KPNA3: variants seen among roughly 807,000 people sequenced by gnomAD.
KPNA3 encodes the protein importin subunit alpha-4.
In KPNA3, 13 loss-of-function variants were observed where a neutral mutation model predicts 73.8. The observed-to-expected ratio is 0.18, with a 90% confidence interval of 0.11 to 0.28. The LOEUF (loss-of-function observed/expected upper bound fraction) is 0.28. KPNA3 is among the 10% of genes least tolerant of loss of function. The probability of loss-of-function intolerance (pLI) is 1.00; values close to 1 mark genes in which losing one functional copy is unlikely to be tolerated. For missense variants in KPNA3, 360 were observed against 618.1 expected (o/e 0.58, Z 4.43); for synonymous variants, 186 against 206.9 (o/e 0.90, Z 0.87).
At chr13:49,743,025 G>T (rs1720662129) in intron 2 of KPNA3, among the ~76,000 whole-genome samples, 1 of 152,136 alleles carries the variant, frequency 6.6e-6, no homozygotes, top group South Asian at 2.1e-4. Context: ...AGAGACTTAG[G>T]AGTTATTTGG....
At chr13:49,741,736 G>C (rs568132694) in intron 2 of KPNA3, among the ~76,000 whole-genome samples, 1 of 152,324 alleles carries the variant, frequency 6.6e-6, no homozygotes, top group African/African-American at 2.4e-5. Flanking sequence ...TTATAGGCGT[G>C]AGCCACCGTG....
chr13:49,753,172 CA>C (rs921088696), intron 1 of KPNA3, among the ~76,000 whole-genome samples: 2 of 147,368 alleles, frequency 1.4e-5, no homozygotes, highest in East Asian at 4.1e-4. Flanking sequence ...AACTATAAAT[CA>C]AAAAAAACTT....
In KPNA3 at chr13:49,706,197, T is replaced by C. The variant is rs373104215; in HGVS notation, c.1138-28A>G. On this transcript the variant is annotated intron_variant, in intron 13 of 16. Coordinates refer to ENST00000261667, the MANE Select transcript of KPNA3 (RefSeq NM_002267.4). Reference sequence around the variant, plus strand: ...GAAGGTTAAAAATGAGATCATAAAATGGACTCTTTATCCAAAAAGTCTTGG... The same window carrying C: ...GAAGGTTAAAAATGAGATCATAAAACGGACTCTTTATCCAAAAAGTCTTGG... The C allele has an allele frequency of 9.3e-6, 15 of 1,612,408 alleles. No individual in the cohort carries two copies. In the African/African-American group the frequency reaches 2.0e-4, roughly 22 times the overall value.
In KPNA3 at chr13:49,706,428, C is replaced by A. The variant is rs1205574656; in HGVS notation, c.1033-56G>T. The stretch of plus-strand genomic sequence containing the variant: ...ATTTGAAAAATAATACCTTTAATGT[C>A]TTTCTAATATATTTTATATAGACAA... On this transcript the variant is annotated intron_variant, in intron 12 of 16. Transcript: ENST00000261667. 9 of 1,162,378 alleles carry A rather than the reference C, an allele frequency of 7.7e-6. No individual in the cohort carries two copies. The Admixed American group carries it at 1.6e-4, about 21-fold the overall frequency. 72.0% of individuals were successfully genotyped at this position (1,162,378 alleles called of 1,614,324 possible).
chr13:49,754,322 AC>A (rs890876469), intron 1 of KPNA3, among the ~76,000 whole-genome samples: 4 of 152,278 alleles, frequency 2.6e-5, no homozygotes, highest in Admixed American at 1.3e-4. Flanking sequence ...AAACAAAAAA[AC>A]AACTAAGTGT....
rs939470625 is a variant in KPNA3 at position 49,764,932 on chromosome 13, T to C, written c.70-17939A>G. Among the ~76,000 whole-genome samples the C allele has an allele frequency of 5.3e-5, 8 of 152,340 alleles. No individual in the cohort carries two copies. The East Asian group carries it at 1.5e-3, about 29-fold the overall frequency. On this transcript the variant is annotated intron_variant, in intron 1 of 16. Transcript: ENST00000261667. Reference sequence around the variant, plus strand: ...AACATTATCAGCAACCTTCTATTCATGGAACACAATCCTTAATTACATGGT... The same window carrying C: ...AACATTATCAGCAACCTTCTATTCACGGAACACAATCCTTAATTACATGGT...
intron 1 of KPNA3, among the ~76,000 whole-genome samples, chr13:49,779,841 CA>C (rs1021961977): frequency 5.3e-5 from 8 of 152,130 alleles, no homozygotes; most frequent in African/African-American, 1.9e-4. Context: ...CACTGGCCCC[CA>C]AAGAGCAAAT....
At position 49,701,768 on chromosome 13, in the gene KPNA3, G is replaced by C. The variant is rs949710021; in HGVS notation, c.*32C>G. On this transcript the variant is annotated 3_prime_UTR_variant, in exon 17 of 17. Coordinates refer to ENST00000261667, the MANE Select transcript of KPNA3 (RefSeq NM_002267.4). ...TAGCCATCTGGTGGTGCTTCATATT[G>C]AATGTGGGAAAGATGCTGCACTCAA... The C allele has an allele frequency of 1.5e-6, 2 of 1,308,552 alleles. No individual in the cohort carries two copies. Among genetic ancestry groups the C allele is most frequent in the Admixed American group, 1.7e-5 (1 of 59,514 alleles). The allele number at this position is 1,308,552 out of a possible 1,614,324, so 81.1% of individuals were successfully genotyped here. A position where few individuals can be genotyped will look rare whatever the true frequency, so the allele number is the denominator to read the frequency against.
intron 1 of KPNA3, among the ~76,000 whole-genome samples, chr13:49,754,257 C>A (rs1308859999): frequency 1.3e-5 from 2 of 152,022 alleles, no homozygotes; most frequent in African/African-American, 4.8e-5. Context: ...ACTGAGATCA[C>A]GTCACTGCAC....
chr13:49,743,395 T>C (rs1488991186), intron 2 of KPNA3, among the ~76,000 whole-genome samples: 1 of 152,160 alleles, frequency 6.6e-6, no homozygotes, highest in Non-Finnish European at 1.5e-5. Flanking sequence ...ATCAATTAAG[T>C]TTTGTCTGAA....
chr13:49,732,334 TG>T, intron 6 of KPNA3, 36 bp downstream of exon 6: 1 of 1,092,604 alleles, frequency 9.2e-7, no homozygotes, highest in South Asian at 1.5e-5. Context: ...TTAAGTTAAC[TG>T]AAAAAAACTG....
intron 1 of KPNA3, among the ~76,000 whole-genome samples, chr13:49,769,308 C>T (rs991837382): frequency 6.6e-6 from 1 of 152,122 alleles, no homozygotes; most frequent in African/African-American, 2.4e-5. Context: ...AATGCCCACG[C>T]CATAAAATTT....
intron 2 of KPNA3, among the ~76,000 whole-genome samples, chr13:49,733,615 A>T (rs1954492525): frequency 6.6e-6 from 1 of 152,138 alleles, no homozygotes; most frequent in Non-Finnish European, 1.5e-5. Flanking sequence ...CTCATACTTA[A>T]ATTGTAGATT....
chr13:49,753,825 C>A (rs1440242764), intron 1 of KPNA3, among the ~76,000 whole-genome samples: 4 of 152,140 alleles, frequency 2.6e-5, no homozygotes, highest in Non-Finnish European at 2.9e-5. Context: ...CAGTTTCAAC[C>A]CGAAACCATC....
In KPNA3 at chr13:49,699,687, A is replaced by C. The variant is rs1202998190; in HGVS notation, c.*2113T>G. On this transcript the variant is annotated 3_prime_UTR_variant, in exon 17 of 17. Coordinates refer to ENST00000261667, the MANE Select transcript of KPNA3 (RefSeq NM_002267.4). ...TCACAGTAGAGGCCCAATTTTAATC[A>C]TAATGTGTGCAAATTTTAAAAGGTA... 1 of 152,770 alleles carries C rather than the reference A, an allele frequency of 6.5e-6. No homozygotes were observed. Among genetic ancestry groups the C allele is most frequent in the South Asian group, 2.1e-4 (1 of 4,834 alleles). 9.5% of individuals were successfully genotyped at this position (152,770 alleles called of 1,614,324 possible). A position where few individuals can be genotyped will look rare whatever the true frequency, so the allele number is the denominator to read the frequency against.
In KPNA3 at chr13:49,761,473, G is replaced by A. The variant is rs1032240556; in HGVS notation, c.70-14480C>T. 5.2e-4 allele frequency among the ~76,000 whole-genome samples: 78 copies of A among 150,738 alleles called. 1 individual carries two copies. Among genetic ancestry groups the A allele is most frequent in the African/African-American group, 1.7e-3 (71 of 40,846 alleles). On this transcript the variant is annotated intron_variant, in intron 1 of 16. Coordinates refer to ENST00000261667, the MANE Select transcript of KPNA3 (RefSeq NM_002267.4). ...CCGGGCTGGTCTCCAGCTCCTAACC[G>A]CGAGTGATCTGCCAGCCTCGGCCTC...
At chr13:49,734,738 C>T (rs1431038140) in intron 2 of KPNA3, among the ~76,000 whole-genome samples, 5 of 152,048 alleles carry the variant, frequency 3.3e-5, no homozygotes, top group Non-Finnish European at 7.4e-5. Flanking sequence ...AAACCAGTTT[C>T]CAAACACATA....
At chr13:49,702,256 T>TC in intron 16 of KPNA3, 130 bp downstream of exon 16, 1 of 607,146 alleles carries the variant, frequency 1.6e-6, no homozygotes, top group Non-Finnish European at 2.9e-6. Flanking sequence ...AAGTGACTGA[T>TC]GGAATGTCTA....
intron 1 of KPNA3, among the ~76,000 whole-genome samples, chr13:49,754,089 G>A (rs1954690011): frequency 6.6e-6 from 1 of 152,170 alleles, no homozygotes; most frequent in Non-Finnish European, 1.5e-5. Flanking sequence ...TTGAGGCCAG[G>A]AGTTCAAGAC....
Sources: allele counts gnomAD v4.1 joint callset (sites outside exome capture counted in the v4.1 genomes callset), GRCh38; gene constraint gnomAD v4.1.1; transcripts MANE v1.5; gene names NCBI Gene and HGNC (gene_info 2026-07-23, HGNC 2026-07-21).